The following CHN2 variants were observed in gnomAD, a reference collection of about 807,000 sequenced individuals.
The protein encoded by CHN2 is chimerin 2.
Under a neutral mutation model 56.3 loss-of-function variants are expected in CHN2, and 35 were observed. The ratio of observed to expected loss-of-function variants is 0.62; its 90% CI spans 0.47 to 0.82. The LOEUF (loss-of-function observed/expected upper bound fraction) is 0.82, where lower values mean the gene tolerates loss of function less well. CHN2 is among the 40% of genes least tolerant of loss of function. The probability of loss-of-function intolerance (pLI) is 0.00; values close to 1 mark genes in which losing one functional copy is unlikely to be tolerated. For missense variants in CHN2, 491 were observed against 580.5 expected (o/e 0.85, Z 1.58); for synonymous variants, 210 against 212.8 (o/e 0.99, Z 0.12).
chr7:29,459,862 G>A (rs1417848626), intron 6 of CHN2, among the ~76,000 whole-genome samples: 1 of 152,160 alleles, frequency 6.6e-6, no homozygotes, highest in African/African-American at 2.4e-5. Context: ...TTAGAAACCA[G>A]GCAACCACAA....
chr7:29,252,308 CCTCCCGA>C (rs1476478665), intron 1 of CHN2, among the ~76,000 whole-genome samples: 1 of 150,914 alleles, frequency 6.6e-6, no homozygotes, highest in African/African-American at 2.4e-5. Flanking sequence ...TCTGCCTCAG[CCTCCCGA>C]GTAGCTGGGA....
rs149459322 is a variant in CHN2, at chr7:29,471,915, T to C, written c.577-8364T>C. Among the ~76,000 whole-genome samples the C allele has an allele frequency of 2.9e-3, 434 of 152,280 alleles. 1 individual carries two copies. Among genetic ancestry groups the C allele is most frequent in the African/African-American group, 1.0e-2 (415 of 41,560 alleles). On this transcript the variant is annotated intron_variant, in intron 6 of 12. Transcript: ENST00000222792. The stretch of plus-strand genomic sequence containing the variant: ...TTCTTTGGCGCCATGGCAATGTGTT[T>C]GCGTTTAGTTATATGTCTTTGTTGT...
chr7:29,176,043 A>C (rs1365336492), intron 2 of CHN2, among the ~76,000 whole-genome samples: 1 of 152,004 alleles, frequency 6.6e-6, no homozygotes, highest in Non-Finnish European at 1.5e-5. Flanking sequence ...AAAATTAGCC[A>C]GGCGTGGTGG....
At chr7:29,387,408 A>G (rs567118199) in intron 3 of CHN2, among the ~76,000 whole-genome samples, 1 of 152,256 alleles carries the variant, frequency 6.6e-6, no homozygotes, top group Non-Finnish European at 1.5e-5. Flanking sequence ...TTCTGCAAAC[A>G]TGCAATGAGG....
At chr7:29,202,832 A>T (rs1330198255) in intron 1 of CHN2, among the ~76,000 whole-genome samples, 1 of 152,214 alleles carries the variant, frequency 6.6e-6, no homozygotes, top group African/African-American at 2.4e-5. Flanking sequence ...GCTTTTTCTT[A>T]CATGATGTTG....
chr7:29,282,389 A>G (rs1254914363), intron 1 of CHN2, among the ~76,000 whole-genome samples: 1 of 152,262 alleles, frequency 6.6e-6, no homozygotes, highest in African/African-American at 2.4e-5. Context: ...TTGGCTGTCT[A>G]CATGGACTTT....
chr7:29,387,585 T>G (rs1801015449), intron 3 of CHN2, among the ~76,000 whole-genome samples: 1 of 152,232 alleles, frequency 6.6e-6, no homozygotes. Flanking sequence ...ATCCCACATT[T>G]CTAGCAAATT....
At chr7:29,484,692 A>C (rs896509798) in intron 7 of CHN2, among the ~76,000 whole-genome samples, 3 of 152,202 alleles carry the variant, frequency 2.0e-5, no homozygotes, top group East Asian at 3.8e-4. Context: ...TCATATGCAC[A>C]GTGACCCAGG....
intron 2 of CHN2, among the ~76,000 whole-genome samples, chr7:29,157,603 C>T (rs546318961): frequency 6.6e-6 from 1 of 152,262 alleles, no homozygotes; most frequent in African/African-American, 2.4e-5. Flanking sequence ...CTATGATTTG[C>T]ATTTTGCTAA....
chr7:29,249,297 G>A (rs1250245885), intron 1 of CHN2, among the ~76,000 whole-genome samples: 1 of 152,198 alleles, frequency 6.6e-6, no homozygotes, highest in Non-Finnish European at 1.5e-5. Flanking sequence ...AAGTTCCGGA[G>A]TCCAAAAGCC....
intron 2 of CHN2, among the ~76,000 whole-genome samples, chr7:29,166,205 T>C (rs758570564): frequency 7.2e-5 from 11 of 152,002 alleles, no homozygotes; most frequent in Non-Finnish European, 1.2e-4. Context: ...TTTTTTTTGT[T>C]TTTGTTTTTG....
At chr7:29,222,215 CACAA>C (rs1416188984) in intron 1 of CHN2, among the ~76,000 whole-genome samples, 14 of 152,088 alleles carry the variant, frequency 9.2e-5, no homozygotes, top group Non-Finnish European at 1.3e-4. Context: ...TCAGAGAGGA[CACAA>C]ACAAATGGAA....
intron 1 of CHN2, among the ~76,000 whole-genome samples, chr7:29,284,700 A>C (rs1342784144): frequency 6.6e-6 from 1 of 152,178 alleles, no homozygotes. Flanking sequence ...CCATGATTTC[A>C]ACCTGGGAAA....
chr7:29,499,011 C>T (rs752570698), intron 8 of CHN2, among the ~76,000 whole-genome samples: 3 of 152,126 alleles, frequency 2.0e-5, no homozygotes, highest in Non-Finnish European at 4.4e-5. Context: ...CCACCTGCCT[C>T]GGCCTCCCAA....
At chr7:29,381,611 G>A (rs1256476213) in intron 3 of CHN2, among the ~76,000 whole-genome samples, 1 of 151,868 alleles carries the variant, frequency 6.6e-6, no homozygotes, top group African/African-American at 2.4e-5. Flanking sequence ...AAGCTTCTAG[G>A]ATAATATTTA....
chr7:29,278,831 G>A (rs1400372190), intron 1 of CHN2, among the ~76,000 whole-genome samples: 1 of 152,150 alleles, frequency 6.6e-6, no homozygotes, highest in African/African-American at 2.4e-5. Flanking sequence ...TGGCCCCCTT[G>A]GTCTTGGCTG....
intron 1 of CHN2, among the ~76,000 whole-genome samples, chr7:29,346,259 C>A (rs10234898): frequency 1.3e-5 from 2 of 152,046 alleles, no homozygotes; most frequent in East Asian, 3.9e-4. Flanking sequence ...AGGACCCAAG[C>A]GTGGGCATAA....
At chr7:29,509,116 A>G (rs1375272109) in intron 11 of CHN2, among the ~76,000 whole-genome samples, 185 bp from the exon 12 acceptor site, 1 of 152,240 alleles carries the variant, frequency 6.6e-6, no homozygotes, top group Non-Finnish European at 1.5e-5. Context: ...TGTGGTGCTC[A>G]GCCTCAAACT....
At chr7:29,270,135 G>A (rs1013531419) in intron 1 of CHN2, among the ~76,000 whole-genome samples, 1 of 152,088 alleles carries the variant, frequency 6.6e-6, no homozygotes, top group Admixed American at 6.5e-5. Flanking sequence ...GCTGTCAATT[G>A]TTGAACACTT....
Sources: allele counts gnomAD v4.1 joint callset (sites outside exome capture counted in the v4.1 genomes callset), GRCh38; gene constraint gnomAD v4.1.1; transcripts MANE v1.5; gene names NCBI Gene and HGNC (gene_info 2026-07-23, HGNC 2026-07-21).